The following PLXDC2 variants were observed in gnomAD, a reference collection of about 807,000 sequenced individuals.
The protein encoded by PLXDC2 is plexin domain-containing protein 2.
PLXDC2 carries 40 observed loss-of-function variants against 68.9 expected under a neutral mutation model. The ratio of observed to expected loss-of-function variants is 0.58; its 90% CI spans 0.45 to 0.76. PLXDC2 has a LOEUF of 0.76. Ranked by LOEUF, PLXDC2 falls within the 30% of genes least tolerant of loss-of-function variation. PLXDC2 has a pLI of 0.00. For synonymous variants in PLXDC2, 243 were observed against 234.2 expected, an observed-to-expected ratio of 1.04 and a Z score of -0.34; for missense variants, 644 against 661.9, an observed-to-expected ratio of 0.97 and a Z score of 0.30.
chr10:19,853,783 GTCTCCTGCCAGGTTGTT>G (rs1837164447), intron 1 of PLXDC2, among the ~76,000 whole-genome samples: 1 of 152,168 alleles, frequency 6.6e-6, no homozygotes, highest in Non-Finnish European at 1.5e-5. Context: ...CACAGGTTGT[GTCTCCTGCCAGGTTGTT>G]GGAAATGAAC....
intron 10 of PLXDC2, among the ~76,000 whole-genome samples, 161 bp from the exon 11 acceptor site, chr10:20,217,265 A>G (rs371659373): frequency 7.2e-5 from 11 of 152,318 alleles, no homozygotes; most frequent in African/African-American, 2.4e-4. Context: ...TATAAACTTC[A>G]TAAATTAGCA....
intron 3 of PLXDC2, among the ~76,000 whole-genome samples, chr10:20,049,291 A>C (rs1341178642): frequency 5.9e-5 from 9 of 152,126 alleles, no homozygotes; most frequent in Admixed American, 2.6e-4. Context: ...TCCCCTTGAA[A>C]ACTGGCACAA....
chr10:20,123,118 G>A (rs972387135), intron 4 of PLXDC2, among the ~76,000 whole-genome samples: 4 of 152,288 alleles, frequency 2.6e-5, no homozygotes, highest in East Asian at 3.9e-4. Context: ...ACTGTAAGCC[G>A]GACCAGGTGT....
chr10:20,262,639 T>A (rs1835823532), intron 13 of PLXDC2, among the ~76,000 whole-genome samples: 1 of 152,184 alleles, frequency 6.6e-6, no homozygotes, highest in Non-Finnish European at 1.5e-5. Flanking sequence ...TTTAAGCGGG[T>A]ACCGAATCCC....
intron 4 of PLXDC2, among the ~76,000 whole-genome samples, chr10:20,083,341 G>A (rs1276265757): frequency 1.3e-5 from 2 of 152,134 alleles, no homozygotes; most frequent in South Asian, 4.2e-4. Flanking sequence ...GCCGGGCGAG[G>A]TGGCATGCGC....
chr10:19,924,513 TA>T (rs1653860678), intron 1 of PLXDC2, among the ~76,000 whole-genome samples: 1 of 152,190 alleles, frequency 6.6e-6, no homozygotes, highest in East Asian at 1.9e-4. Context: ...GGTTATATAA[TA>T]GTGGCCAATA....
chr10:19,838,656 G>A (rs1006994221), intron 1 of PLXDC2, among the ~76,000 whole-genome samples: 3 of 152,200 alleles, frequency 2.0e-5, no homozygotes, highest in South Asian at 4.1e-4. Flanking sequence ...GTACACAACC[G>A]CAGCCTGTTC....
At chr10:20,115,014 C>T (rs929975106) in intron 4 of PLXDC2, among the ~76,000 whole-genome samples, 1 of 152,170 alleles carries the variant, frequency 6.6e-6, no homozygotes, top group Non-Finnish European at 1.5e-5. Context: ...ATAAATAAAT[C>T]CGCAATGCAA....
chr10:19,996,205 C>T (rs1282864357), intron 1 of PLXDC2, among the ~76,000 whole-genome samples: 1 of 152,142 alleles, frequency 6.6e-6, no homozygotes, highest in Non-Finnish European at 1.5e-5. Context: ...CTTTGGGAGG[C>T]CAAGGTGGGA....
chr10:20,035,555 G>T (rs1372669443), intron 2 of PLXDC2, among the ~76,000 whole-genome samples: 2 of 151,878 alleles, frequency 1.3e-5, no homozygotes, highest in African/African-American at 4.8e-5. Flanking sequence ...AATTAGCTGG[G>T]CATGGTGGTG....
At chr10:19,957,590 T>A (rs1157272083) in intron 1 of PLXDC2, among the ~76,000 whole-genome samples, 2 of 152,176 alleles carry the variant, frequency 1.3e-5, no homozygotes, top group East Asian at 3.8e-4. Context: ...ATTAAATTAA[T>A]GCATCATAAT....
chr10:20,099,870 T>G (rs1008407685), intron 4 of PLXDC2, among the ~76,000 whole-genome samples: 4 of 152,150 alleles, frequency 2.6e-5, no homozygotes, highest in African/African-American at 9.7e-5. Context: ...TTTAAAAAAA[T>G]CAAAATACCT....
rs900158137 is a variant in PLXDC2, at chr10:20,284,484, G to A, written c.*4665G>A. ...CATGCCTGTAGTCCCAGCTACTTTGGAGGCTGAAGTGTAAGAGTTGCTTGA... is the reference window on the plus strand; with the variant it reads ...CATGCCTGTAGTCCCAGCTACTTTGAAGGCTGAAGTGTAAGAGTTGCTTGA... On this transcript the variant is annotated 3_prime_UTR_variant, in exon 14 of 14. Coordinates refer to ENST00000377252, the MANE Select transcript of PLXDC2 (RefSeq NM_032812.9). The A allele has an allele frequency of 6.7e-6, 1 of 150,288 alleles. No homozygotes were observed. The highest frequency in any genetic ancestry group is 1.5e-5 in the Non-Finnish European group (1 of 67,830). The allele number at this position is 150,288 out of a possible 1,614,324, so 9.3% of individuals were successfully genotyped here.
chr10:19,966,448 C>CACATATATAAAAATATAT (rs1834264355), intron 1 of PLXDC2, among the ~76,000 whole-genome samples: 8 of 10,564 alleles, frequency 7.6e-4, no homozygotes, highest in African/African-American at 1.2e-3. Context: ...ATATATAAAA[C>CACATATATAAAAATATAT]ATGTGTGTAT....
chr10:20,148,866 GA>G (rs1298528260), intron 6 of PLXDC2, among the ~76,000 whole-genome samples: 1 of 152,136 alleles, frequency 6.6e-6, no homozygotes, highest in Non-Finnish European at 1.5e-5. Flanking sequence ...CAAATCTTCT[GA>G]AATCCATCTA....
chr10:19,907,537 C>T (rs570873819), intron 1 of PLXDC2, among the ~76,000 whole-genome samples: 1 of 152,264 alleles, frequency 6.6e-6, no homozygotes, highest in African/African-American at 2.4e-5. Flanking sequence ...ATAACCACAC[C>T]TAAGCAATAG....
intron 3 of PLXDC2, among the ~76,000 whole-genome samples, chr10:20,064,624 G>A (rs1836170263): frequency 6.6e-6 from 1 of 152,084 alleles, no homozygotes; most frequent in African/African-American, 2.4e-5. Flanking sequence ...ACTAATTAGT[G>A]ACACAGCAAA....
Position 20,279,860 on chromosome 10 carries a change from G to T in PLXDC2, c.*41G>T, listed in dbSNP as rs781185236. On this transcript the variant is annotated 3_prime_UTR_variant, in exon 14 of 14. Coordinates refer to ENST00000377252, the MANE Select transcript of PLXDC2 (RefSeq NM_032812.9). The stretch of plus-strand genomic sequence containing the variant: ...ACAACACCAGTACTGGTTTACAGGT[G>T]TTAAGACTAAAATTTTGCCTATACC... 1 of 1,563,918 alleles carries T rather than the reference G, an allele frequency of 6.4e-7. No homozygotes were observed. The highest frequency in any genetic ancestry group is 1.4e-5 in the African/African-American group (1 of 73,598).
intron 1 of PLXDC2, among the ~76,000 whole-genome samples, chr10:19,991,432 T>A (rs989654708): frequency 1.3e-5 from 2 of 151,718 alleles, no homozygotes; most frequent in Non-Finnish European, 2.9e-5. Flanking sequence ...CAAAATCATA[T>A]GTTTACCTAG....
Sources: gnomAD v4.1 joint callset for allele counts (sites outside exome capture counted in the v4.1 genomes callset) on GRCh38, gnomAD v4.1.1 for gene constraint, MANE v1.5 for transcripts, NCBI Gene and HGNC (gene_info 2026-07-23, HGNC 2026-07-21) for gene names.